The following PCDH7 variants were observed in gnomAD, a reference collection of about 807,000 sequenced individuals.
PCDH7 encodes protocadherin 7.
Under a neutral mutation model 58.9 loss-of-function variants are expected in PCDH7, and 17 were observed. The observed-to-expected ratio is 0.29, with a 90% confidence interval of 0.20 to 0.43. PCDH7 has a LOEUF of 0.43. PCDH7 is among the 20% of genes least tolerant of loss of function. The pLI is 1.00. For missense variants in PCDH7, 1,274 were observed against 1,441.0 expected, an observed-to-expected ratio of 0.88 and a Z score of 1.88; for synonymous variants, 664 against 616.4, an observed-to-expected ratio of 1.08 and a Z score of -1.14.
chr4:31,101,450 G>A (rs1714881557), intron 3 of PCDH7, among the ~76,000 whole-genome samples: 2 of 152,262 alleles, frequency 1.3e-5, no homozygotes, highest in Admixed American at 1.3e-4. Context: ...TGGAGGACGT[G>A]TGTATGCATG....
chr4:31,068,466 A>C (rs1272729822), intron 3 of PCDH7, among the ~76,000 whole-genome samples: 1 of 152,020 alleles, frequency 6.6e-6, no homozygotes, highest in African/African-American at 2.4e-5. Context: ...TGTAGACTCC[A>C]ATATATACAC....
chr4:31,007,423 A>T (rs946593764), intron 3 of PCDH7, among the ~76,000 whole-genome samples: 10 of 152,198 alleles, frequency 6.6e-5, no homozygotes, highest in Middle Eastern at 3.2e-3. Context: ...ATTTGGTGTC[A>T]AAGTACCTTG....
chr4:31,051,634 C>A (rs899122965), intron 3 of PCDH7, among the ~76,000 whole-genome samples: 4 of 151,992 alleles, frequency 2.6e-5, no homozygotes, highest in East Asian at 1.9e-4. Context: ...AAATTTAATT[C>A]TTAACAAGTA....
intron 1 of PCDH7, among the ~76,000 whole-genome samples, chr4:30,865,513 A>C (rs897125282): frequency 6.6e-6 from 1 of 152,062 alleles, no homozygotes; most frequent in African/African-American, 2.4e-5. Flanking sequence ...ACATGTGAGC[A>C]ACATTGTTCC....
At position 30,738,696 on chromosome 4, in the gene PCDH7, T is replaced by G. The variant is rs529769907; in HGVS notation, c.70+14100T>G. 2.6e-4 allele frequency among the ~76,000 whole-genome samples: 39 copies of G among 152,372 alleles called. 2 individuals are homozygous for G. Among genetic ancestry groups the G allele is most frequent in the African/African-American group, 8.4e-4 (35 of 41,590 alleles). On this transcript the variant is annotated intron_variant, in intron 1 of 3. Coordinates refer to the PCDH7 transcript ENST00000509759. ...GTTTCACAAATTTAACAGTTCTTTT[T>G]AATGGCAATATTCATATTTAGTCTT...
At chr4:30,814,612 T>C (rs1266942974) in intron 1 of PCDH7, among the ~76,000 whole-genome samples, 1 of 152,132 alleles carries the variant, frequency 6.6e-6, no homozygotes, top group Non-Finnish European at 1.5e-5. Flanking sequence ...GTGTTGACAA[T>C]CTCTGTTGAC....
chr4:31,142,673 G>T, exon 4 of PCDH7: 1 of 1,367,728 alleles, frequency 7.3e-7, no homozygotes, highest in Non-Finnish European at 9.8e-7. Flanking sequence ...CGCCATCATG[G>T]GTGACCGCAA....
chr4:30,739,140 A>G (rs1716727379), intron 1 of PCDH7, among the ~76,000 whole-genome samples: 2 of 146,740 alleles, frequency 1.4e-5, no homozygotes, highest in African/African-American at 5.0e-5. Flanking sequence ...ATATAAAAAT[A>G]TATATATTTT....
chr4:31,034,839 T>G (rs975441362), intron 3 of PCDH7, among the ~76,000 whole-genome samples: 4 of 152,148 alleles, frequency 2.6e-5, no homozygotes, highest in Non-Finnish European at 4.4e-5. Flanking sequence ...CAAATAGGAT[T>G]GATTTAAGCC....
At chr4:31,142,705 G>A in exon 4 of PCDH7, 1 of 1,367,742 alleles carries the variant, frequency 7.3e-7, no homozygotes, top group Non-Finnish European at 9.8e-7. Context: ...TGAACAAAAA[G>A]TTGACCTCAT....
chr4:30,745,578 G>A (rs1443313883), intron 1 of PCDH7, among the ~76,000 whole-genome samples: 1 of 151,968 alleles, frequency 6.6e-6, no homozygotes, highest in African/African-American at 2.4e-5. Context: ...ACTCATGTGG[G>A]GCATCATGCA....
At chr4:30,870,036 T>G (rs13144831) in intron 1 of PCDH7, among the ~76,000 whole-genome samples, 56,483 of 152,036 alleles carry the variant, frequency 0.37, 10,949 homozygotes, top group African/African-American at 0.44. Context: ...AATGACCAGT[T>G]GTGATGAGCT....
intron 1 of PCDH7, among the ~76,000 whole-genome samples, chr4:30,810,962 G>A (rs775656272): frequency 9.9e-5 from 15 of 152,040 alleles, no homozygotes; most frequent in Non-Finnish European, 1.5e-4. Context: ...TTTTTATCTT[G>A]TGGTTTATAC....
At chr4:30,919,642 C>T (rs1294161676) in intron 1 of PCDH7, among the ~76,000 whole-genome samples, 1 of 152,134 alleles carries the variant, frequency 6.6e-6, no homozygotes, top group East Asian at 1.9e-4. Context: ...CCTAGCACTG[C>T]ATCTAAATTC....
At chr4:30,859,246 A>G (rs1396037671) in intron 1 of PCDH7, among the ~76,000 whole-genome samples, 2 of 152,154 alleles carry the variant, frequency 1.3e-5, no homozygotes, top group Non-Finnish European at 1.5e-5. Context: ...GGGTCAATAT[A>G]TGATAACCAC....
intron 1 of PCDH7, among the ~76,000 whole-genome samples, chr4:30,749,527 C>T (rs2109256643): frequency 6.6e-6 from 1 of 151,970 alleles, no homozygotes; most frequent in South Asian, 2.1e-4. Flanking sequence ...TTTTCTATTG[C>T]CTGGTGGTCT....
At chr4:30,960,199 A>G (rs1748285194) in intron 3 of PCDH7, among the ~76,000 whole-genome samples, 1 of 144,636 alleles carries the variant, frequency 6.9e-6, no homozygotes, top group African/African-American at 2.7e-5. Context: ...ACTGATTTAT[A>G]AAAGGATCAG....
At chr4:30,739,100 G>A (rs1716702873) in intron 1 of PCDH7, among the ~76,000 whole-genome samples, 1 of 139,114 alleles carries the variant, frequency 7.2e-6, no homozygotes, top group Non-Finnish European at 1.5e-5. Context: ...TTAATAATGA[G>A]CAACCTGGAA....
chr4:30,830,114 C>T (rs1560414048), intron 1 of PCDH7, among the ~76,000 whole-genome samples: 1 of 151,942 alleles, frequency 6.6e-6, no homozygotes, highest in Admixed American at 6.6e-5. Context: ...TTTTAAAATG[C>T]ACTACGTGTC....
Sources: gnomAD v4.1 joint callset for allele counts (sites outside exome capture counted in the v4.1 genomes callset) on GRCh38, gnomAD v4.1.1 for gene constraint, MANE v1.5 for transcripts, NCBI Gene and HGNC (gene_info 2026-07-23, HGNC 2026-07-21) for gene names.